The following TRAPPC3L variants were observed in gnomAD, a reference collection of about 807,000 sequenced individuals.
TRAPPC3L encodes trafficking protein particle complex subunit 3L.
In TRAPPC3L, 23 loss-of-function variants were observed where a neutral mutation model predicts 23.7. The ratio of observed to expected loss-of-function variants is 0.97; its 90% CI spans 0.70 to 1.37. TRAPPC3L has a LOEUF of 1.37. TRAPPC3L is among the 40% of genes most tolerant of loss of function. The pLI, the probability that TRAPPC3L is intolerant of heterozygous loss-of-function variation, is 0.00. For missense variants in TRAPPC3L, 212 were observed against 216.8 expected (o/e 0.98, Z 0.14); for synonymous variants, 81 against 77.9 (o/e 1.04, Z -0.21).
intron 3 of TRAPPC3L, among the ~76,000 whole-genome samples, chr6:116,530,708 C>T (rs986924651): frequency 5.9e-5 from 9 of 151,836 alleles, no homozygotes; most frequent in African/African-American, 2.2e-4. Flanking sequence ...GAAGTGTTTG[C>T]TTTCTTTATT....
chr6:116,508,934 C>A (rs1301708300), intron 3 of TRAPPC3L, among the ~76,000 whole-genome samples: 1 of 151,476 alleles, frequency 6.6e-6, no homozygotes, highest in East Asian at 1.9e-4. Context: ...TCTAGAAAAA[C>A]CTAAAGACTC....
chr6:116,518,073 T>G (rs1401635107), intron 3 of TRAPPC3L: 2 of 152,176 alleles, frequency 1.3e-5, no homozygotes, highest in African/African-American at 4.8e-5. Flanking sequence ...AGACTGATGA[T>G]AGTAAATAAA....
chr6:116,530,727 C>T lies in TRAPPC3L; in HGVS notation c.240+9636G>A, dbSNP rs543037009. ...TGTTTGCTTTCTTTATTATTATCTG[C>T]AAATGTATAACAAAGACAGTTTTGT... On this transcript the variant is annotated intron_variant, in intron 3 of 4. Coordinates refer to ENST00000368602, the MANE Select transcript of TRAPPC3L (RefSeq NM_001139444.3). Among the ~76,000 whole-genome samples, 9 of 151,794 alleles carry T rather than the reference C, an allele frequency of 5.9e-5. No homozygotes were observed. In the East Asian group the frequency reaches 1.7e-3, roughly 29 times the overall value.
chr6:116,533,887 GC>G (rs1772905402), intron 3 of TRAPPC3L, among the ~76,000 whole-genome samples: 1 of 152,152 alleles, frequency 6.6e-6, no homozygotes, highest in African/African-American at 2.4e-5. Context: ...GTCCCCATCA[GC>G]CCACTTACAC....
At chr6:116,502,319 T>C (rs972344281) in intron 3 of TRAPPC3L, among the ~76,000 whole-genome samples, 1 of 151,892 alleles carries the variant, frequency 6.6e-6, no homozygotes, top group African/African-American at 2.4e-5. Flanking sequence ...AAGGCAAGAT[T>C]AGAGAAAAAA....
chr6:116,525,718 T>C (rs1279835962), intron 3 of TRAPPC3L, among the ~76,000 whole-genome samples: 2 of 152,184 alleles, frequency 1.3e-5, no homozygotes, highest in Admixed American at 6.5e-5. Context: ...TTTCAAGAAA[T>C]AGGATTAAGT....
At chr6:116,504,936 C>A (rs1467664125) in intron 3 of TRAPPC3L, among the ~76,000 whole-genome samples, 1 of 152,186 alleles carries the variant, frequency 6.6e-6, no homozygotes, top group Non-Finnish European at 1.5e-5. Flanking sequence ...AAACTGGAAG[C>A]ATTCCCTTTG....
intron 3 of TRAPPC3L, 109 bp downstream of exon 3, chr6:116,540,254 C>G: frequency 1.0e-6 from 1 of 1,004,396 alleles, no homozygotes; most frequent in Non-Finnish European, 1.5e-6. Context: ...TTCTCAGCAC[C>G]TAACAATGAA....
intron 2 of TRAPPC3L, 125 bp from the exon 3 acceptor site, chr6:116,540,587 C>T (rs2115236515): frequency 1.1e-6 from 1 of 918,492 alleles, no homozygotes; most frequent in South Asian, 1.6e-5. Flanking sequence ...CCAAATATGA[C>T]GAGTCAAATG....
chr6:116,505,007 G>A (rs1309798234), intron 3 of TRAPPC3L, among the ~76,000 whole-genome samples: 1 of 152,216 alleles, frequency 6.6e-6, no homozygotes, highest in Non-Finnish European at 1.5e-5. Context: ...AGTATTGGAA[G>A]TTCTGGCCAG....
chr6:116,503,155 C>A (rs1307298329), intron 3 of TRAPPC3L, among the ~76,000 whole-genome samples: 1 of 151,376 alleles, frequency 6.6e-6, no homozygotes, highest in East Asian at 1.9e-4. Flanking sequence ...CACACAGAGG[C>A]TCAAAATAAA....
intron 3 of TRAPPC3L, chr6:116,511,793 C>T: frequency 6.2e-7 from 1 of 1,614,096 alleles, no homozygotes; most frequent in Non-Finnish European, 8.5e-7. Flanking sequence ...AAGTGAGCGT[C>T]TCTTTTCTGT....
intron 3 of TRAPPC3L, among the ~76,000 whole-genome samples, chr6:116,529,531 T>C (rs1339414096): frequency 6.6e-6 from 1 of 152,110 alleles, no homozygotes. Context: ...CGAGGTAAAG[T>C]AGATTGGAGC....
chr6:116,499,628 C>G (rs992124576), intron 4 of TRAPPC3L, among the ~76,000 whole-genome samples: 1 of 152,116 alleles, frequency 6.6e-6, no homozygotes, highest in African/African-American at 2.4e-5. Flanking sequence ...GTTCTTTGTT[C>G]CTTGAGTGAA....
intron 3 of TRAPPC3L, chr6:116,528,894 C>T (rs888998832): frequency 1.3e-5 from 2 of 152,178 alleles, no homozygotes; most frequent in East Asian, 3.8e-4. Context: ...AAAAACAGGA[C>T]GAGCAAAGAA....
At chr6:116,515,959 G>A in intron 3 of TRAPPC3L, 2 of 1,607,252 alleles carry the variant, frequency 1.2e-6, no homozygotes, top group Non-Finnish European at 1.7e-6. Flanking sequence ...AGACGACAAT[G>A]GTCCTTGTGG....
intron 3 of TRAPPC3L, chr6:116,511,993 C>T: frequency 6.2e-7 from 1 of 1,614,046 alleles, no homozygotes; most frequent in Non-Finnish European, 8.5e-7. Context: ...TCTTCTACGT[C>T]CTCGGCCAGA....
In TRAPPC3L at chr6:116,545,682, A is replaced by C. The variant is rs1173208640; in HGVS notation, c.-168T>G. On this transcript the variant is annotated 5_prime_UTR_variant, in exon 1 of 5. Coordinates refer to ENST00000368602, the MANE Select transcript of TRAPPC3L (RefSeq NM_001139444.3). Reference sequence around the variant, plus strand: ...GCTTTTGCTCTTTGCTGAGCTGAAGAGGGAAAAAAACCATGAACAACAGGA... The same window carrying C: ...GCTTTTGCTCTTTGCTGAGCTGAAGCGGGAAAAAAACCATGAACAACAGGA... 6.4e-6 allele frequency: 3 copies of C among 471,510 alleles called. No individual in the cohort carries two copies. The highest frequency in any genetic ancestry group is 6.0e-5 in the African/African-American group (3 of 49,964). The allele number at this position is 471,510 out of a possible 1,614,324, so 29.2% of individuals were successfully genotyped here. A position where few individuals can be genotyped will look rare whatever the true frequency, so the allele number is the denominator to read the frequency against.
At chr6:116,511,516 C>A (rs1772117732) in intron 3 of TRAPPC3L, 1 of 598,408 alleles carries the variant, frequency 1.7e-6, no homozygotes, top group Non-Finnish European at 2.9e-6. Context: ...CAGTAGGAGG[C>A]ATTATCTAAA....
Sources: allele counts gnomAD v4.1 joint callset (sites outside exome capture counted in the v4.1 genomes callset), GRCh38; gene constraint gnomAD v4.1.1; transcripts MANE v1.5; gene names NCBI Gene and HGNC (gene_info 2026-07-23, HGNC 2026-07-21).